The following DDR2 variants were observed in gnomAD, a reference collection of about 807,000 sequenced individuals.
The protein encoded by DDR2 is discoidin domain-containing receptor 2.
In DDR2, 27 loss-of-function variants were observed where a neutral mutation model predicts 94.9. The ratio of observed to expected loss-of-function variants is 0.28; its 90% CI spans 0.21 to 0.39. The LOEUF (loss-of-function observed/expected upper bound fraction) is 0.39. Among genes scored for constraint, DDR2 ranks in the 10% least tolerant of loss-of-function variants. The pLI is 1.00. For missense variants in DDR2, 783 were observed against 1,076.0 expected, an observed-to-expected ratio of 0.73 and a Z score of 3.81; for synonymous variants, 382 against 377.2, an observed-to-expected ratio of 1.01 and a Z score of -0.15.
chr1:162,640,085 A>G (rs1402978267), intron 1 of DDR2, among the ~76,000 whole-genome samples: 1 of 150,914 alleles, frequency 6.6e-6, no homozygotes, highest in Non-Finnish European at 1.5e-5. Context: ...TCTGTCGCCC[A>G]GGCTGGAGTG....
intron 1 of DDR2, among the ~76,000 whole-genome samples, chr1:162,640,808 T>G (rs1657094174): frequency 1.3e-5 from 2 of 152,064 alleles, no homozygotes; most frequent in African/African-American, 4.8e-5. Flanking sequence ...TGTGTCATAC[T>G]CTTCAAATTA....
intron 3 of DDR2, among the ~76,000 whole-genome samples, chr1:162,726,156 A>T (rs1481399547): frequency 6.6e-6 from 1 of 152,196 alleles, no homozygotes; most frequent in East Asian, 1.9e-4. Flanking sequence ...AACACACAGA[A>T]TGTGATTAAT....
chr1:162,724,147 C>T (rs1661544730), intron 3 of DDR2, among the ~76,000 whole-genome samples: 1 of 152,156 alleles, frequency 6.6e-6, no homozygotes, highest in Non-Finnish European at 1.5e-5. Context: ...GAGTGATTTG[C>T]CCATGCTCCA....
chr1:162,757,656 G>T (rs192760917), intron 7 of DDR2, among the ~76,000 whole-genome samples: 17 of 152,242 alleles, frequency 1.1e-4, no homozygotes, highest in Non-Finnish European at 1.3e-4. Flanking sequence ...GATTTTTAAA[G>T]CTGAGGAAGG....
chr1:162,717,897 C>T (rs1177607245), intron 2 of DDR2, among the ~76,000 whole-genome samples: 1 of 152,156 alleles, frequency 6.6e-6, no homozygotes, highest in Non-Finnish European at 1.5e-5. Context: ...TCTGTTTTTA[C>T]ACTGTACTTC....
intron 1 of DDR2, among the ~76,000 whole-genome samples, chr1:162,638,727 A>T (rs1475851091): frequency 6.6e-6 from 1 of 152,198 alleles, no homozygotes; most frequent in African/African-American, 2.4e-5. Flanking sequence ...CTTGAGATGC[A>T]GGGGAGCAAA....
intron 2 of DDR2, among the ~76,000 whole-genome samples, chr1:162,672,915 C>T (rs558387797): frequency 1.3e-5 from 2 of 152,190 alleles, no homozygotes; most frequent in South Asian, 4.2e-4. Flanking sequence ...GTGAGATGAG[C>T]TCATACAAAT....
intron 2 of DDR2, among the ~76,000 whole-genome samples, chr1:162,710,764 G>GCACACACACACACACACACACA (rs113812328): frequency 6.8e-6 from 1 of 148,052 alleles, no homozygotes; most frequent in African/African-American, 2.5e-5. Context: ...ACACAGTCAT[G>GCACACACACACACACACACACA]CACACACACA....
chr1:162,669,556 A>G (rs549732794), intron 2 of DDR2, among the ~76,000 whole-genome samples: 36 of 152,358 alleles, frequency 2.4e-4, no homozygotes, highest in African/African-American at 7.9e-4. Flanking sequence ...ACTTAATTGT[A>G]TCAGCAACAA....
At position 162,781,255 on chromosome 1, in the gene DDR2, T is replaced by C. The variant is rs1169667716; in HGVS notation, c.*1009T>C. 1 of 152,204 alleles carries C rather than the reference T, an allele frequency of 6.6e-6. No individual in the cohort carries two copies. The highest frequency in any genetic ancestry group is 1.5e-5 in the Non-Finnish European group (1 of 68,048). 9.4% of individuals were successfully genotyped at this position (152,204 alleles called of 1,614,324 possible). On this transcript the variant is annotated 3_prime_UTR_variant, in exon 18 of 18. Coordinates refer to ENST00000367921, the MANE Select transcript of DDR2 (RefSeq NM_006182.4). ...CAAGGATGAAGCCTCTGTGGGATCT[T>C]TGGGCTTGGGGCTGAATTTCTCAGG...
chr1:162,764,527 C>A (rs1663903977), intron 9 of DDR2, among the ~76,000 whole-genome samples: 1 of 151,864 alleles, frequency 6.6e-6, no homozygotes. Context: ...AAGAAAAGTC[C>A]AGGTGTAAAA....
chr1:162,750,634 G>A (rs1311804823), intron 3 of DDR2, among the ~76,000 whole-genome samples: 2 of 152,012 alleles, frequency 1.3e-5, no homozygotes, highest in Admixed American at 1.3e-4. Flanking sequence ...TCACAGAATT[G>A]GAAAAAACTA....
At chr1:162,696,260 G>T (rs528541715) in intron 2 of DDR2, among the ~76,000 whole-genome samples, 1 of 150,824 alleles carries the variant, frequency 6.6e-6, no homozygotes, top group Non-Finnish European at 1.5e-5. Flanking sequence ...CACCAAACAA[G>T]GGTTCATAAA....
chr1:162,754,805 A>T lies in DDR2; in HGVS notation c.367A>T (p.Ser123Cys), dbSNP rs1306367979. ...EFAPMYKINYSRDGTRWISWR... is the reference protein window; with the variant it reads ...EFAPMYKINYCRDGTRWISWR... ...TGCCCCCATGTACAAGATCAATTACAGTCGGGATGGCACTCGCTGGATCTC... is the reference window on the plus strand; with the variant it reads ...TGCCCCCATGTACAAGATCAATTACTGTCGGGATGGCACTCGCTGGATCTC... Residue 123 changes from serine (S) to cysteine (C), a missense_variant, in exon 5 of 18, where the codon AGT (serine) becomes TGT (cysteine). Physicochemically the swap from Ser to Cys is moderately radical, Grantham distance 112. Coordinates refer to ENST00000367921, the MANE Select transcript of DDR2 (RefSeq NM_006182.4). The T allele has an allele frequency of 6.2e-7, 1 of 1,614,122 alleles. No homozygotes were observed. Among genetic ancestry groups the T allele is most frequent in the Non-Finnish European group, 8.5e-7 (1 of 1,180,016 alleles).
intron 3 of DDR2, among the ~76,000 whole-genome samples, chr1:162,737,190 G>A (rs1370441763): frequency 1.4e-5 from 2 of 145,110 alleles, no homozygotes; most frequent in African/African-American, 2.6e-5. Context: ...TAAGTTTTAG[G>A]GTACATGTGC....
chr1:162,750,539 G>A (rs1359127545), intron 3 of DDR2, among the ~76,000 whole-genome samples: 2 of 152,180 alleles, frequency 1.3e-5, no homozygotes, highest in East Asian at 3.8e-4. Flanking sequence ...TGGGTAGGAA[G>A]AATCAATATC....
intron 3 of DDR2, among the ~76,000 whole-genome samples, chr1:162,743,703 T>A (rs1312423426): frequency 1.2e-4 from 19 of 152,182 alleles, no homozygotes; most frequent in Admixed American, 1.0e-3. Flanking sequence ...TCAAAAACAG[T>A]TTTATTGAAG....
chr1:162,664,002 A>G (rs1658427546), intron 2 of DDR2, among the ~76,000 whole-genome samples: 1 of 152,170 alleles, frequency 6.6e-6, no homozygotes, highest in Non-Finnish European at 1.5e-5. Context: ...AACTGAAAAT[A>G]TCCAAGAGTC....
chr1:162,648,817 G>T (rs1657543541), intron 1 of DDR2, among the ~76,000 whole-genome samples: 2 of 152,102 alleles, frequency 1.3e-5, no homozygotes, highest in Admixed American at 1.3e-4. Context: ...GAATGTATGA[G>T]AACAAAAACA....
Sources: gnomAD v4.1 joint callset for allele counts (sites outside exome capture counted in the v4.1 genomes callset) on GRCh38, gnomAD v4.1.1 for gene constraint, MANE v1.5 for transcripts, NCBI Gene and HGNC (gene_info 2026-07-23, HGNC 2026-07-21) for gene names.